Variants in HIP1 observed in about 807,000 individuals in gnomAD.
HIP1 encodes huntingtin-interacting protein 1.
Under a neutral mutation model 147.6 loss-of-function variants are expected in HIP1, and 65 were observed. The observed-to-expected ratio is 0.44, with a 90% CI of 0.36 to 0.54. The LOEUF (loss-of-function observed/expected upper bound fraction) is 0.54, where lower values mean the gene tolerates loss of function less well. Ranked by LOEUF, HIP1 falls within the 20% of genes least tolerant of loss-of-function variation. The pLI is 0.00. For missense variants in HIP1, 1,061 were observed against 1,299.6 expected (o/e 0.82, Z 2.82); for synonymous variants, 479 against 504.0 (o/e 0.95, Z 0.67).
At chr7:75,545,024 T>C (rs1794496139) in intron 26 of HIP1, 64 bp downstream of exon 26, 1 of 990,966 alleles carries the variant, frequency 1.0e-6, no homozygotes, top group East Asian at 2.4e-5. Flanking sequence ...TCCTTAGCTA[T>C]TGTTTGGAGT....
At chr7:75,697,527 T>TC (rs1800678486) in intron 1 of HIP1, among the ~76,000 whole-genome samples, 1 of 152,236 alleles carries the variant, frequency 6.6e-6, no homozygotes, top group African/African-American at 2.4e-5. Context: ...CATTCTCATT[T>TC]ATTCTTCCAG....
intron 1 of HIP1, among the ~76,000 whole-genome samples, chr7:75,678,872 T>C (rs939463330): frequency 6.6e-6 from 1 of 152,200 alleles, no homozygotes; most frequent in African/African-American, 2.4e-5. Context: ...TCCAGGCATC[T>C]ACCTAACCTT....
At chr7:75,658,960 G>C (rs555461355) in intron 1 of HIP1, among the ~76,000 whole-genome samples, 1 of 152,176 alleles carries the variant, frequency 6.6e-6, no homozygotes, top group South Asian at 2.1e-4. Flanking sequence ...AGCAAACTAA[G>C]GCAGGACTAT....
At chr7:75,652,423 G>A (rs948440281) in intron 1 of HIP1, among the ~76,000 whole-genome samples, 1 of 152,030 alleles carries the variant, frequency 6.6e-6, no homozygotes, top group Non-Finnish European at 1.5e-5. Context: ...GAGTGCAGTG[G>A]TGCGATTATA....
At chr7:75,630,154 A>C (rs975954307) in intron 1 of HIP1, among the ~76,000 whole-genome samples, 5 of 151,098 alleles carry the variant, frequency 3.3e-5, no homozygotes, top group Non-Finnish European at 5.9e-5. Flanking sequence ...ATAGAGTGAG[A>C]CCTTCTCTCT....
intron 8 of HIP1, among the ~76,000 whole-genome samples, chr7:75,571,721 T>G (rs1248920114): frequency 2.0e-5 from 3 of 152,208 alleles, no homozygotes; most frequent in African/African-American, 7.2e-5. Context: ...TAGCTGGGAC[T>G]ACAGGCGCAT....
intron 1 of HIP1, among the ~76,000 whole-genome samples, chr7:75,719,273 G>T (rs1320865844): frequency 6.6e-6 from 1 of 152,116 alleles, no homozygotes; most frequent in Non-Finnish European, 1.5e-5. Flanking sequence ...GGGAGGCCAA[G>T]GCGGGCGGAT....
At chr7:75,738,249 C>T (rs1434821091) in intron 1 of HIP1, among the ~76,000 whole-genome samples, 1 of 151,770 alleles carries the variant, frequency 6.6e-6, no homozygotes, top group East Asian at 1.9e-4. Flanking sequence ...TCCGCCCGGC[C>T]TCAGAGCTGA....
At chr7:75,687,729 T>C (rs886288353) in intron 1 of HIP1, among the ~76,000 whole-genome samples, 2 of 152,070 alleles carry the variant, frequency 1.3e-5, no homozygotes, top group South Asian at 2.1e-4. Context: ...AAAAAACTCA[T>C]CTGGCTCTTG....
intron 1 of HIP1, among the ~76,000 whole-genome samples, chr7:75,684,453 A>C (rs1449606322): frequency 6.7e-6 from 1 of 149,920 alleles, no homozygotes; most frequent in Non-Finnish European, 1.5e-5. Context: ...GTCTCAAAAA[A>C]AAAAAAAAAA....
At position 75,565,687 on chromosome 7, in the gene HIP1, C is replaced by A. The variant is rs182589227; in HGVS notation, c.804-2424G>T. The stretch of plus-strand genomic sequence containing the variant: ...GCCCCCTCTGTCCTCCCAACTCTCA[C>A]TCTATTATCCTTCCCTTTTGCCTGG... On this transcript the variant is annotated intron_variant, in intron 9 of 30. Coordinates refer to ENST00000336926, the MANE Select transcript of HIP1 (RefSeq NM_005338.7). Among the ~76,000 whole-genome samples, 4 of 151,980 alleles carry A rather than the reference C, an allele frequency of 2.6e-5. No individual in the cohort carries two copies. The East Asian group carries it at 7.7e-4, about 29-fold the overall frequency.
At chr7:75,712,864 A>G (rs1185917520) in intron 1 of HIP1, among the ~76,000 whole-genome samples, 1 of 152,008 alleles carries the variant, frequency 6.6e-6, no homozygotes, top group Non-Finnish European at 1.5e-5. Context: ...TCCTTCATTC[A>G]CTCACTCATT....
At chr7:75,639,742 G>C (rs1448888352) in intron 1 of HIP1, among the ~76,000 whole-genome samples, 4 of 152,256 alleles carry the variant, frequency 2.6e-5, no homozygotes, top group African/African-American at 9.6e-5. Flanking sequence ...TGGGGGCAGG[G>C]GGTCCGCTCG....
intron 13 of HIP1, 89 bp from the exon 14 acceptor site, chr7:75,560,004 A>T (rs587714850): frequency 8.6e-6 from 11 of 1,273,210 alleles, no homozygotes; most frequent in Middle Eastern, 2.8e-4. Context: ...CATGCTTCCA[A>T]GTAAATACCT....
chr7:75,539,633 T>C (rs1794229043), intron 29 of HIP1, among the ~76,000 whole-genome samples: 1 of 152,188 alleles, frequency 6.6e-6, no homozygotes, highest in Admixed American at 6.5e-5. Flanking sequence ...ATCTATCTTA[T>C]TTTGATTACT....
At chr7:75,697,817 C>T (rs1563299984) in intron 1 of HIP1, among the ~76,000 whole-genome samples, 1 of 151,874 alleles carries the variant, frequency 6.6e-6, no homozygotes, top group Admixed American at 6.6e-5. Context: ...GTCTCAAAAA[C>T]AAAAAACAAA....
chr7:75,595,549 G>A (rs1554501836), intron 2 of HIP1, among the ~76,000 whole-genome samples: 1 of 151,846 alleles, frequency 6.6e-6, no homozygotes, highest in Non-Finnish European at 1.5e-5. Context: ...TCACCATGAT[G>A]CTCAGGCTGG....
chr7:75,619,943 G>A (rs1224749773), intron 1 of HIP1, among the ~76,000 whole-genome samples: 42 of 152,132 alleles, frequency 2.8e-4, no homozygotes, highest in African/African-American at 9.4e-4. Flanking sequence ...CTGTTTCACC[G>A]TGATCACGGG....
intron 22 of HIP1, among the ~76,000 whole-genome samples, chr7:75,551,106 T>G (rs1554492035): frequency 6.6e-6 from 1 of 151,286 alleles, no homozygotes; most frequent in East Asian, 1.9e-4. Flanking sequence ...TAGAAGAATA[T>G]ATACAGTAGG....
Sources: allele counts gnomAD v4.1 joint callset (sites outside exome capture counted in the v4.1 genomes callset), GRCh38; gene constraint gnomAD v4.1.1; transcripts MANE v1.5; gene names NCBI Gene and HGNC (gene_info 2026-07-23, HGNC 2026-07-21).